ADAMTSL1: variants seen among roughly 807,000 people sequenced by gnomAD.
The protein encoded by ADAMTSL1 is ADAMTS like 1.
A neutral mutation model predicts 201.8 loss-of-function variants in ADAMTSL1; 126 were observed. The observed-to-expected ratio is 0.62, with a 90% CI of 0.54 to 0.72. The LOEUF (loss-of-function observed/expected upper bound fraction) is 0.72, where lower values mean the gene tolerates loss of function less well. Ranked by LOEUF, ADAMTSL1 falls within the 30% of genes least tolerant of loss-of-function variation. The pLI is 0.00. For missense variants in ADAMTSL1, 2,679 were observed against 2,277.8 expected (o/e 1.18, Z -3.59); for synonymous variants, 1,121 against 903.4 (o/e 1.24, Z -4.32).
intron 1 of ADAMTSL1, among the ~76,000 whole-genome samples, chr9:18,052,208 G>A (rs944930839): frequency 1.3e-5 from 2 of 152,204 alleles, no homozygotes; most frequent in Non-Finnish European, 2.9e-5. Context: ...AGTGGCCCTT[G>A]CCTGTCTGGA....
intron 3 of ADAMTSL1, among the ~76,000 whole-genome samples, chr9:18,564,270 C>T (rs1259145851): frequency 6.6e-6 from 1 of 152,190 alleles, no homozygotes; most frequent in African/African-American, 2.4e-5. Context: ...GAAGGGAGTT[C>T]CTCAACCCGT....
intron 2 of ADAMTSL1, among the ~76,000 whole-genome samples, chr9:18,287,481 A>G (rs1473775992): frequency 6.6e-6 from 1 of 151,512 alleles, no homozygotes; most frequent in Non-Finnish European, 1.5e-5. Context: ...GTATGTTCAG[A>G]TATGTAATGC....
chr9:18,210,404 T>TA (rs11398015), intron 2 of ADAMTSL1, among the ~76,000 whole-genome samples: 145,387 of 146,260 alleles, frequency 0.99, 72,267 homozygotes, highest in Middle Eastern at 1. Flanking sequence ...TATTATATAT[T>TA]ATTATATATG....
At chr9:18,859,071 T>C (rs1287233623) in intron 23 of ADAMTSL1, among the ~76,000 whole-genome samples, 1 of 152,222 alleles carries the variant, frequency 6.6e-6, no homozygotes, top group Admixed American at 6.5e-5. Flanking sequence ...TGAAAAAGTT[T>C]GTGAAATCTG....
intron 1 of ADAMTSL1, among the ~76,000 whole-genome samples, chr9:18,125,559 C>G (rs1044512784): frequency 1.3e-5 from 2 of 152,046 alleles, no homozygotes; most frequent in Non-Finnish European, 2.9e-5. Flanking sequence ...ATAATTTTAG[C>G]TTTTAATTTA....
At chr9:18,864,275 G>A (rs1177139170) in intron 23 of ADAMTSL1, among the ~76,000 whole-genome samples, 5 of 152,100 alleles carry the variant, frequency 3.3e-5, no homozygotes, top group Admixed American at 1.3e-4. Flanking sequence ...GAGCTGTTTG[G>A]CTGGAGAGGG....
intron 2 of ADAMTSL1, among the ~76,000 whole-genome samples, chr9:18,215,316 A>T (rs1415428530): frequency 2.0e-5 from 3 of 152,232 alleles, no homozygotes; most frequent in Non-Finnish European, 4.4e-5. Flanking sequence ...TGATTCAAAA[A>T]AGATTATCTA....
intron 2 of ADAMTSL1, among the ~76,000 whole-genome samples, chr9:18,515,460 G>A (rs10963619): frequency 0.13 from 19,269 of 152,050 alleles, 1,651 homozygotes; most frequent in South Asian, 0.29. Flanking sequence ...TCAGCCTCCC[G>A]AGTAGCTGGG....
chr9:18,167,502 T>G (rs1827686925), intron 2 of ADAMTSL1, among the ~76,000 whole-genome samples: 1 of 151,920 alleles, frequency 6.6e-6, no homozygotes. Context: ...TTAGGGCAAG[T>G]CATTAATTTG....
At chr9:18,552,802 G>A (rs1587540970) in intron 3 of ADAMTSL1, among the ~76,000 whole-genome samples, 2 of 151,338 alleles carry the variant, frequency 1.3e-5, no homozygotes, top group African/African-American at 4.8e-5. Flanking sequence ...AATCCTTTTT[G>A]CCTTAATGTA....
intron 21 of ADAMTSL1, among the ~76,000 whole-genome samples, chr9:18,824,690 C>CTTTTTTTTTTTTTTTTTT (rs34551511): frequency 1.3e-5 from 1 of 75,706 alleles, no homozygotes; most frequent in African/African-American, 5.6e-5. Context: ...GGACTTGACC[C>CTTTTTTTTTTTTTTTTTT]TTTTTTTTTT....
chr9:18,820,419 T>C (rs1404123346), intron 21 of ADAMTSL1, among the ~76,000 whole-genome samples: 1 of 152,102 alleles, frequency 6.6e-6, no homozygotes, highest in African/African-American at 2.4e-5. Flanking sequence ...CACAGAAAAA[T>C]TTAAGAGTCC....
At chr9:18,887,654 A>G (rs1460991927) in intron 23 of ADAMTSL1, among the ~76,000 whole-genome samples, 177 bp from the exon 24 acceptor site, 1 of 152,194 alleles carries the variant, frequency 6.6e-6, no homozygotes, top group Non-Finnish European at 1.5e-5. Flanking sequence ...CCCTCCTAGA[A>G]ATTCAGAGAA....
intron 1 of ADAMTSL1, among the ~76,000 whole-genome samples, chr9:18,134,783 A>G (rs1295924682): frequency 2.0e-5 from 3 of 152,210 alleles, no homozygotes; most frequent in South Asian, 4.1e-4. Context: ...TGATCTTTAA[A>G]GTAGGAAACA....
chr9:18,078,275 T>C, intron 1 of ADAMTSL1, among the ~76,000 whole-genome samples: 1 of 152,220 alleles, frequency 6.6e-6, no homozygotes, highest in Non-Finnish European at 1.5e-5. Context: ...GAAAGTTTTC[T>C]CTCTGCCACA....
chr9:17,929,101 TGAA>T (rs1454221282), intron 1 of ADAMTSL1, among the ~76,000 whole-genome samples: 1 of 152,132 alleles, frequency 6.6e-6, no homozygotes, highest in Admixed American at 6.5e-5. Context: ...TTTAAAACGA[TGAA>T]GAATAGGGGT....
chr9:18,737,420 C>G (rs770836783), intron 15 of ADAMTSL1, among the ~76,000 whole-genome samples: 6 of 151,518 alleles, frequency 4.0e-5, no homozygotes, highest in Non-Finnish European at 7.4e-5. Context: ...ATCACTTCAC[C>G]AGTGAGTCCA....
chr9:18,776,009 T>A, intron 18 of ADAMTSL1, 113 bp downstream of exon 18: 1 of 1,366,716 alleles, frequency 7.3e-7, no homozygotes, highest in Non-Finnish European at 9.9e-7. Flanking sequence ...AGTGGGACAG[T>A]AGAACCCCAT....
chr9:18,899,067 G>A (rs1829842645), intron 26 of ADAMTSL1, among the ~76,000 whole-genome samples: 1 of 152,146 alleles, frequency 6.6e-6, no homozygotes, highest in Non-Finnish European at 1.5e-5. Context: ...CAGCCCAAAA[G>A]TTTCTTAAGC....
Sources: allele counts gnomAD v4.1 joint callset (sites outside exome capture counted in the v4.1 genomes callset), GRCh38; gene constraint gnomAD v4.1.1; transcripts MANE v1.5; gene names NCBI Gene and HGNC (gene_info 2026-07-23, HGNC 2026-07-21).